PRKCA: variants seen among roughly 807,000 people sequenced by gnomAD.
PRKCA encodes protein kinase C alpha type.
Under a neutral mutation model 87.0 loss-of-function variants are expected in PRKCA, and 27 were observed. The ratio of observed to expected loss-of-function variants is 0.31; its 90% CI spans 0.23 to 0.43. The LOEUF (loss-of-function observed/expected upper bound fraction) is 0.43. Among genes scored for constraint, PRKCA ranks in the 20% least tolerant of loss-of-function variants. The probability of loss-of-function intolerance (pLI) is 1.00; values close to 1 mark genes in which losing one functional copy is unlikely to be tolerated. For missense variants in PRKCA, 518 were observed against 852.3 expected (o/e 0.61, Z 4.88); for synonymous variants, 329 against 311.1 (o/e 1.06, Z -0.61).
At chr17:66,652,867 T>C (rs1179278731) in intron 5 of PRKCA, among the ~76,000 whole-genome samples, 1 of 152,252 alleles carries the variant, frequency 6.6e-6, no homozygotes, top group Non-Finnish European at 1.5e-5. Context: ...CCCCTGCCTC[T>C]GTCCATGGCC....
chr17:66,391,640 T>C (rs191951944), intron 2 of PRKCA, among the ~76,000 whole-genome samples: 3 of 152,210 alleles, frequency 2.0e-5, no homozygotes, highest in African/African-American at 7.2e-5. Context: ...TTTTTTACTT[T>C]ATTGGACAAG....
At chr17:66,338,034 G>A (rs1598601317) in intron 2 of PRKCA, among the ~76,000 whole-genome samples, 1 of 141,038 alleles carries the variant, frequency 7.1e-6, no homozygotes, top group African/African-American at 2.9e-5. Context: ...TTCCAATTGA[G>A]TAGTGATTTT....
chr17:66,468,790 T>C (rs1027063086), intron 2 of PRKCA, among the ~76,000 whole-genome samples: 2 of 152,186 alleles, frequency 1.3e-5, no homozygotes, highest in African/African-American at 4.8e-5. Context: ...GTGGCTGGCA[T>C]GCAGGAGAAA....
chr17:66,389,652 G>T (rs562010128), intron 2 of PRKCA, among the ~76,000 whole-genome samples: 1 of 152,172 alleles, frequency 6.6e-6, no homozygotes, highest in Admixed American at 6.5e-5. Context: ...CATGCCCATC[G>T]TGCTCTGTGG....
At chr17:66,654,570 T>G (rs975819106) in intron 5 of PRKCA, among the ~76,000 whole-genome samples, 14 of 152,228 alleles carry the variant, frequency 9.2e-5, no homozygotes, top group African/African-American at 3.1e-4. Flanking sequence ...TGAGGGAAGA[T>G]CCTGTGATTA....
chr17:66,328,241 C>T lies in PRKCA; in HGVS notation c.205+22114C>T, dbSNP rs1009595587. Among the ~76,000 whole-genome samples, 7 of 151,994 alleles carry T rather than the reference C, an allele frequency of 4.6e-5. No homozygotes were observed. In the East Asian group the frequency reaches 5.9e-4, roughly 13 times the overall value. On this transcript the variant is annotated intron_variant, in intron 2 of 16. Coordinates refer to ENST00000413366, the MANE Select transcript of PRKCA (RefSeq NM_002737.3). The stretch of plus-strand genomic sequence containing the variant: ...ACAATTTTTTTTGTTTTGATAGAGA[C>T]GGGGTCTCGCTATGTTGTCCAGGTC...
chr17:66,341,152 C>T (rs936702668), intron 2 of PRKCA, among the ~76,000 whole-genome samples: 3 of 152,046 alleles, frequency 2.0e-5, no homozygotes, highest in Non-Finnish European at 2.9e-5. Flanking sequence ...TTCTGATGGT[C>T]GCAGACTTCC....
At chr17:66,484,831 T>G (rs1314423883) in intron 2 of PRKCA, among the ~76,000 whole-genome samples, 1 of 152,208 alleles carries the variant, frequency 6.6e-6, no homozygotes, top group East Asian at 1.9e-4. Flanking sequence ...ATCCTGTTAT[T>G]TCACTTGTAT....
intron 2 of PRKCA, among the ~76,000 whole-genome samples, chr17:66,422,230 A>G (rs1432505957): frequency 6.6e-6 from 1 of 152,126 alleles, no homozygotes; most frequent in Non-Finnish European, 1.5e-5. Flanking sequence ...GGACTTTAAC[A>G]TGAGTGATTT....
At chr17:66,488,677 G>T (rs946174474) in intron 2 of PRKCA, among the ~76,000 whole-genome samples, 2 of 152,216 alleles carry the variant, frequency 1.3e-5, no homozygotes, top group East Asian at 1.9e-4. Flanking sequence ...TCCTAAAGAA[G>T]GGGGAAAGAG....
chr17:66,649,665 T>C (rs961429943), intron 5 of PRKCA, among the ~76,000 whole-genome samples: 1 of 152,176 alleles, frequency 6.6e-6, no homozygotes, highest in Admixed American at 6.5e-5. Context: ...GAACAAACAA[T>C]TAACCCATAA....
chr17:66,363,125 C>T (rs1908495876), intron 2 of PRKCA, among the ~76,000 whole-genome samples: 1 of 152,196 alleles, frequency 6.6e-6, no homozygotes, highest in African/African-American at 2.4e-5. Context: ...TCCTTTCACT[C>T]ACACTAAAAT....
intron 2 of PRKCA, among the ~76,000 whole-genome samples, chr17:66,469,709 G>A (rs1915240579): frequency 6.6e-6 from 1 of 152,150 alleles, no homozygotes; most frequent in African/African-American, 2.4e-5. Context: ...AGGACAAAAA[G>A]CTGTCTGCAA....
rs538079319 is a variant in PRKCA at position 66,367,517 on chromosome 17, A to G, written c.205+61390A>G. ...AGTCTTAGACGTTTGGAACTCTGCT[A>G]TTTCTGTACCTTTCTAAATGATCTT... On this transcript the variant is annotated intron_variant, in intron 2 of 16. Coordinates refer to ENST00000413366, the MANE Select transcript of PRKCA (RefSeq NM_002737.3). Among the ~76,000 whole-genome samples, 4 of 152,344 alleles carry G rather than the reference A, an allele frequency of 2.6e-5. No individual in the cohort carries two copies. The South Asian group carries it at 8.3e-4, about 32-fold the overall frequency.
intron 14 of PRKCA, chr17:66,774,324 TG>T: frequency 1.5e-6 from 2 of 1,318,264 alleles, no homozygotes; most frequent in Non-Finnish European, 1.9e-6. Flanking sequence ...TTTCACGTTA[TG>T]AAATGTACAT....
In PRKCA at chr17:66,441,613, C is replaced by T. The variant is rs115221966; in HGVS notation, c.206-54588C>T. Among the ~76,000 whole-genome samples, 1,347 of 152,264 alleles carry T rather than the reference C, an allele frequency of 8.8e-3. 11 individuals carry two copies. The highest frequency in any genetic ancestry group is 0.019 in the African/African-American group (789 of 41,556). Reference sequence around the variant, plus strand: ...AGGTGGTTTCTGGGCACACTGGGGACGTCTGTGCACCTCCTCTGAGTGGAA... The same window carrying T: ...AGGTGGTTTCTGGGCACACTGGGGATGTCTGTGCACCTCCTCTGAGTGGAA... On this transcript the variant is annotated intron_variant, in intron 2 of 16. Coordinates refer to ENST00000413366, the MANE Select transcript of PRKCA (RefSeq NM_002737.3).
chr17:66,308,930 T>C (rs1904959082), intron 2 of PRKCA, among the ~76,000 whole-genome samples: 1 of 152,172 alleles, frequency 6.6e-6, no homozygotes, highest in Admixed American at 6.5e-5. Flanking sequence ...ATCATTCTTC[T>C]GCAGGAGAAT....
rs1033262539 is a variant in PRKCA, at chr17:66,316,427, T to A, written c.205+10300T>A. On this transcript the variant is annotated intron_variant, in intron 2 of 16. Transcript: ENST00000413366. ...TAACTTCTTGTGTTTAAAATAAGCT[T>A]GTTCAACCGGTGGGCCGCATGCAGC... is the stretch of plus-strand genomic sequence containing the variant. 2.0e-5 allele frequency among the ~76,000 whole-genome samples: 3 copies of A among 152,212 alleles called. 1 individual carries two copies. The highest frequency in any genetic ancestry group is 7.2e-5 in the African/African-American group (3 of 41,460).
At chr17:66,505,523 CT>C (rs1916938589) in intron 3 of PRKCA, among the ~76,000 whole-genome samples, 1 of 152,182 alleles carries the variant, frequency 6.6e-6, no homozygotes, top group Non-Finnish European at 1.5e-5. Context: ...TGGAACTCCA[CT>C]TTTGAATGGC....
Sources: allele counts gnomAD v4.1 joint callset (sites outside exome capture counted in the v4.1 genomes callset), GRCh38; gene constraint gnomAD v4.1.1; transcripts MANE v1.5; gene names NCBI Gene and HGNC (gene_info 2026-07-23, HGNC 2026-07-21).